PTP4A3: variants seen among roughly 807,000 people sequenced by gnomAD.
PTP4A3 encodes protein tyrosine phosphatase 4A3, also known as protein tyrosine phosphatase type IVA 3.
A neutral mutation model predicts 15.2 loss-of-function variants in PTP4A3; 9 were observed. The observed-to-expected ratio is 0.59, with a 90% CI of 0.36 to 1.03. The LOEUF is 1.03. Ranked by LOEUF, PTP4A3 falls within the 50% of genes least tolerant of loss-of-function variation. PTP4A3 has a pLI of 0.02. For synonymous variants in PTP4A3, 95 were observed against 102.0 expected, an observed-to-expected ratio of 0.93 and a Z score of 0.41; for missense variants, 234 against 252.1, an observed-to-expected ratio of 0.93 and a Z score of 0.49.
chr8:141,411,663 G>T (rs906001573), intron 1 of PTP4A3, among the ~76,000 whole-genome samples: 1 of 152,210 alleles, frequency 6.6e-6, no homozygotes, highest in Non-Finnish European at 1.5e-5. Context: ...TCTTTCCCGC[G>T]GTTCCTCAGG....
chr8:141,406,257 G>A lies in PTP4A3; in HGVS notation c.-854+14173G>A, dbSNP rs1241545722. On this transcript the variant is annotated intron_variant, in intron 1 of 5. Transcript: ENST00000521578. The surrounding 1 kb of genome is among the most constrained non-coding windows in gnomAD (Gnocchi z 4.5). ...TGTCGGCCACCCACGGCTGCTTCCT[G>A]CCCCATCTGGGGATTCCGGGGACTT... Among the ~76,000 whole-genome samples the A allele has an allele frequency of 6.6e-6, 1 of 152,150 alleles. No homozygotes were observed. Among genetic ancestry groups the A allele is most frequent in the African/African-American group, 2.4e-5 (1 of 41,432 alleles).
rs1357694033 is a variant in PTP4A3, at chr8:141,431,747, G to T, written c.*703G>T. ...GAGCCCTGCCTTGGCCAGGGTGGCC[G>T]TGTTGACGGTTCTTGGGACTGTGAC... On this transcript the variant is annotated 3_prime_UTR_variant, in exon 6 of 6. Transcript: ENST00000521578. The T allele has an allele frequency of 1.3e-5, 2 of 152,572 alleles. No individual in the cohort carries two copies. The highest frequency in any genetic ancestry group is 2.9e-5 in the Non-Finnish European group (2 of 68,314). The allele number at this position is 152,572 out of a possible 1,614,324, so 9.5% of individuals were successfully genotyped here.
chr8:141,393,005 A>G (rs2129744267), intron 1 of PTP4A3, among the ~76,000 whole-genome samples: 1 of 152,252 alleles, frequency 6.6e-6, no homozygotes, highest in Non-Finnish European at 1.5e-5. Flanking sequence ...GCATCCACCT[A>G]GTCTGTGGAC....
At chr8:141,417,126 G>C (rs1451606263) in intron 1 of PTP4A3, among the ~76,000 whole-genome samples, 1 of 152,170 alleles carries the variant, frequency 6.6e-6, no homozygotes, top group Non-Finnish European at 1.5e-5. Context: ...GAGTCGCAGG[G>C]AGGCGTTTGC....
intron 1 of PTP4A3, among the ~76,000 whole-genome samples, chr8:141,402,705 C>T (rs1428305176): frequency 9.3e-5 from 14 of 150,246 alleles, no homozygotes; most frequent in Non-Finnish European, 1.9e-4. Context: ...ACCTCCTGCT[C>T]CCCTTTTTCC....
chr8:141,426,448 C>T, intron 3 of PTP4A3: 3 of 985,448 alleles, frequency 3.0e-6, no homozygotes, highest in Non-Finnish European at 3.6e-6. Flanking sequence ...CCTGTCTCGC[C>T]CCACAGCCCT....
At chr8:141,393,517 C>T (rs896455610) in intron 1 of PTP4A3, among the ~76,000 whole-genome samples, 3 of 152,224 alleles carry the variant, frequency 2.0e-5, no homozygotes, top group African/African-American at 7.2e-5. Flanking sequence ...CAATGCTGGA[C>T]CTGGAGATGG....
chr8:141,424,323 C>T (rs1187231832), intron 2 of PTP4A3, among the ~76,000 whole-genome samples: 2 of 152,160 alleles, frequency 1.3e-5, no homozygotes, highest in Non-Finnish European at 1.5e-5. Context: ...GTATAACTAT[C>T]GGCCTGGCTG....
chr8:141,392,492 G>A (rs1369294255), intron 1 of PTP4A3: 1 of 152,344 alleles, frequency 6.6e-6, no homozygotes, highest in Non-Finnish European at 1.5e-5. Flanking sequence ...CACAGTTTGG[G>A]GGGCTGGAAC....
chr8:141,426,741 G>A lies in PTP4A3; in HGVS notation c.199-198G>A, dbSNP rs150914977. On this transcript the variant is annotated intron_variant, in intron 3 of 5. Coordinates refer to ENST00000521578, the MANE Select transcript of PTP4A3 (RefSeq NM_032611.3). ...ATAGCTGCAGTGTACAGGGAATGAT[G>A]AGGAGTCTGAAGCACTCACCATGGG... 607 of 949,162 alleles carry A rather than the reference G, an allele frequency of 6.4e-4. 2 individuals carry two copies. In the African/African-American group the frequency reaches 9.9e-3, roughly 16 times the overall value. 58.8% of individuals were successfully genotyped at this position (949,162 alleles called of 1,614,324 possible). A position where few individuals can be genotyped will look rare whatever the true frequency, so the allele number is the denominator to read the frequency against.
intron 5 of PTP4A3, among the ~76,000 whole-genome samples, chr8:141,429,406 C>T (rs1833741264): frequency 6.6e-6 from 1 of 152,392 alleles, no homozygotes; most frequent in South Asian, 2.1e-4. Flanking sequence ...CACCTCAGGG[C>T]CTCTCAGGTG....
At chr8:141,417,387 G>A (rs1341610825) in intron 1 of PTP4A3, among the ~76,000 whole-genome samples, 4 of 152,190 alleles carry the variant, frequency 2.6e-5, no homozygotes, top group African/African-American at 9.7e-5. Context: ...ATGGAGGAGT[G>A]CCCGGGCGGT....
rs11338748 is a variant in PTP4A3, at chr8:141,426,387, CG to C, written c.199-548del. ...AAATTAACCCCCAGGAGCAATGGGC[CG>C]GGGCCCGGTGGAACCGCCTGTTTCG... On this transcript the variant is annotated intron_variant, in intron 3 of 5. Transcript: ENST00000521578. The C allele has an allele frequency of 1.9e-3, 1,861 of 964,964 alleles. 23 individuals are homozygous for C. The African/African-American group carries it at 0.031, about 16-fold the overall frequency. The allele number at this position is 964,964 out of a possible 1,614,324, so 59.8% of individuals were successfully genotyped here.
intron 5 of PTP4A3, among the ~76,000 whole-genome samples, chr8:141,430,294 G>A (rs1411501171): frequency 2.8e-5 from 4 of 141,590 alleles, no homozygotes; most frequent in Admixed American, 7.1e-5. Context: ...CCGGGTCCCC[G>A]CTGTAAGGAC....
intron 3 of PTP4A3, chr8:141,426,574 A>G (rs1366053253): frequency 2.0e-6 from 2 of 985,286 alleles, no homozygotes; most frequent in Non-Finnish European, 2.4e-6. Flanking sequence ...TCAGGCTGCC[A>G]CCGGCACACA....
chr8:141,423,230 A>T (rs187865175), intron 2 of PTP4A3, among the ~76,000 whole-genome samples: 1 of 152,256 alleles, frequency 6.6e-6, no homozygotes, highest in Non-Finnish European at 1.5e-5. Flanking sequence ...CCTTGCCATC[A>T]GGGAGCCTGG....
intron 1 of PTP4A3, among the ~76,000 whole-genome samples, chr8:141,417,745 T>A (rs1364231950): frequency 6.6e-6 from 1 of 151,834 alleles, no homozygotes; most frequent in East Asian, 1.9e-4. Flanking sequence ...TGGCTGGGCT[T>A]CCTCTTCCCC....
At chr8:141,422,932 G>C (rs573630252) in intron 2 of PTP4A3, among the ~76,000 whole-genome samples, 17 of 152,366 alleles carry the variant, frequency 1.1e-4, no homozygotes, top group African/African-American at 4.1e-4. Context: ...CTTGGGAGTG[G>C]AGTCTGGAGC....
intron 1 of PTP4A3, among the ~76,000 whole-genome samples, chr8:141,409,662 C>T (rs968208149): frequency 5.3e-5 from 8 of 152,242 alleles, no homozygotes; most frequent in Non-Finnish European, 1.2e-4. Context: ...CCTGCTGAGC[C>T]TTCAGATGCC....
Sources: allele counts gnomAD v4.1 joint callset (sites outside exome capture counted in the v4.1 genomes callset), GRCh38; gene constraint gnomAD v4.1.1; non-coding constraint Gnocchi (gnomAD v3.1); transcripts MANE v1.5; gene names NCBI Gene and HGNC (gene_info 2026-07-23, HGNC 2026-07-21).